The following SGCZ variants were observed in gnomAD, a reference collection of about 807,000 sequenced individuals.
SGCZ encodes the protein sarcoglycan zeta.
In SGCZ, 40 loss-of-function variants were observed where a neutral mutation model predicts 41.3. That is an observed-to-expected ratio of 0.97 (90% CI 0.75 to 1.26). The LOEUF (loss-of-function observed/expected upper bound fraction) is 1.26. Among genes scored for constraint, SGCZ ranks in the 50% most tolerant of loss-of-function variants. The pLI is 0.00. For synonymous variants in SGCZ, 206 were observed against 137.5 expected, an observed-to-expected ratio of 1.50 and a Z score of -3.49; for missense variants, 552 against 369.8, an observed-to-expected ratio of 1.49 and a Z score of -4.04.
At chr8:15,033,339 T>C (rs939282758) in intron 1 of SGCZ, among the ~76,000 whole-genome samples, 8 of 151,748 alleles carry the variant, frequency 5.3e-5, no homozygotes, top group African/African-American at 1.9e-4. Context: ...AAAGCACCCA[T>C]GGCTCCAGGA....
chr8:14,944,591 A>G (rs1800380642), intron 1 of SGCZ, among the ~76,000 whole-genome samples: 1 of 152,224 alleles, frequency 6.6e-6, no homozygotes, highest in African/African-American at 2.4e-5. Context: ...GTAAAACAAT[A>G]GACCAATAGA....
chr8:14,709,769 G>A (rs980207393), intron 1 of SGCZ, among the ~76,000 whole-genome samples: 4 of 152,090 alleles, frequency 2.6e-5, no homozygotes, highest in Non-Finnish European at 5.9e-5. Flanking sequence ...TACATTGCAA[G>A]AGGAGTATAT....
chr8:14,465,942 AG>A (rs1801036793), intron 2 of SGCZ, among the ~76,000 whole-genome samples: 1 of 150,792 alleles, frequency 6.6e-6, no homozygotes, highest in East Asian at 1.9e-4. Context: ...TAGACTAATA[AG>A]TTTTTAATGT....
intron 7 of SGCZ, 100 bp from the exon 8 acceptor site, chr8:14,090,737 AC>A (rs1563119911): frequency 2.0e-6 from 2 of 1,024,776 alleles, no homozygotes; most frequent in East Asian, 5.2e-5. Context: ...AGTCGACACA[AC>A]AAACAATTCC....
chr8:14,824,046 G>C (rs1022443213), intron 1 of SGCZ, among the ~76,000 whole-genome samples: 1 of 152,034 alleles, frequency 6.6e-6, no homozygotes, highest in Non-Finnish European at 1.5e-5. Flanking sequence ...AAAGGTAGAG[G>C]ATATCATAGA....
chr8:14,194,118 AG>A (rs1371993493), intron 4 of SGCZ, among the ~76,000 whole-genome samples: 1 of 151,914 alleles, frequency 6.6e-6, no homozygotes, highest in Non-Finnish European at 1.5e-5. Context: ...ATAATACGTA[AG>A]AGATTTATCC....
chr8:14,741,195 G>A (rs904853391), intron 1 of SGCZ, among the ~76,000 whole-genome samples: 23 of 151,986 alleles, frequency 1.5e-4, no homozygotes, highest in African/African-American at 5.3e-4. Flanking sequence ...CCTGGGAGAG[G>A]TGAGGGGATC....
intron 2 of SGCZ, among the ~76,000 whole-genome samples, chr8:14,388,658 C>T (rs535497322): frequency 6.6e-6 from 1 of 151,954 alleles, no homozygotes; most frequent in South Asian, 2.1e-4. Flanking sequence ...GAATAAACTC[C>T]AATTTTAGCT....
chr8:15,088,065 A>G (rs1806014009), intron 1 of SGCZ, among the ~76,000 whole-genome samples: 1 of 152,090 alleles, frequency 6.6e-6, no homozygotes, highest in Admixed American at 6.5e-5. Context: ...CAAATCACCA[A>G]TCATACTGAA....
In SGCZ at chr8:14,320,690, C is replaced by G. The variant is rs147635096; in HGVS notation, c.336+3413G>C. 1.9e-3 allele frequency among the ~76,000 whole-genome samples: 288 copies of G among 152,116 alleles called. 1 individual carries two copies. The highest frequency in any genetic ancestry group is 6.8e-3 in the African/African-American group (284 of 41,538). On this transcript the variant is annotated intron_variant, in intron 3 of 7. Transcript: ENST00000382080. Reference sequence around the variant, plus strand: ...ACACGGGCATCCTGAGAACTCAAGACTGATGTGCTTAACTGTGGAGTTACT... The same window carrying G: ...ACACGGGCATCCTGAGAACTCAAGAGTGATGTGCTTAACTGTGGAGTTACT...
intron 1 of SGCZ, among the ~76,000 whole-genome samples, chr8:15,069,008 A>T (rs1370624909): frequency 6.6e-6 from 1 of 152,208 alleles, no homozygotes; most frequent in Non-Finnish European, 1.5e-5. Flanking sequence ...TCGCCAAAAA[A>T]TACTCCCTAC....
intron 1 of SGCZ, among the ~76,000 whole-genome samples, chr8:14,876,202 C>T (rs377023700): frequency 1.1e-4 from 17 of 151,912 alleles, no homozygotes; most frequent in African/African-American, 4.1e-4. Context: ...ACTTTCAGGC[C>T]CCTAGCAAAT....
At chr8:14,474,322 T>G (rs2116986592) in intron 2 of SGCZ, among the ~76,000 whole-genome samples, 1 of 152,330 alleles carries the variant, frequency 6.6e-6, no homozygotes, top group Non-Finnish European at 1.5e-5. Context: ...TTAAAAATCT[T>G]AAAAATCCAT....
intron 4 of SGCZ, among the ~76,000 whole-genome samples, chr8:14,177,330 T>TGAAC (rs1326738959): frequency 6.6e-6 from 1 of 152,202 alleles, no homozygotes; most frequent in African/African-American, 2.4e-5. Flanking sequence ...TGCAAAAGAC[T>TGAAC]GAACGCATGA....
intron 1 of SGCZ, among the ~76,000 whole-genome samples, chr8:14,941,413 C>T (rs973552528): frequency 2.0e-5 from 3 of 152,130 alleles, no homozygotes; most frequent in Admixed American, 6.6e-5. Context: ...CGAAATATTA[C>T]GTGGCTATTT....
chr8:15,217,092 G>A (rs960066161), intron 1 of SGCZ, among the ~76,000 whole-genome samples: 3 of 151,886 alleles, frequency 2.0e-5, no homozygotes, highest in Non-Finnish European at 4.4e-5. Flanking sequence ...TAAGCATTCC[G>A]ACAGCTAATA....
In SGCZ at chr8:15,135,011, A is replaced by C. The variant is rs148594131; in HGVS notation, c.39+102574T>G. On this transcript the variant is annotated intron_variant, in intron 1 of 7. Transcript: ENST00000382080. ...CCAATTTGCTAGACTTTTGCTCTTC[A>C]GTTGCTACATTTGAGTGATTTGAGT... is the stretch of plus-strand genomic sequence containing the variant. Among the ~76,000 whole-genome samples the C allele has an allele frequency of 3.8e-4, 58 of 152,286 alleles. No homozygotes were observed. The East Asian group carries it at 0.01, about 26-fold the overall frequency.
In SGCZ at chr8:14,304,443, A is replaced by C. The variant is rs1801287756; in HGVS notation, c.336+19660T>G. On this transcript the variant is annotated intron_variant, in intron 3 of 7. Transcript: ENST00000382080. ...ACTTTGTCTCTACAAAAAGTACAAA[A>C]ATTAGCCAGGCATGGTGGCACATGC... Among the ~76,000 whole-genome samples the C allele has an allele frequency of 2.0e-5, 3 of 151,942 alleles. No homozygotes were observed. In the East Asian group the frequency reaches 5.9e-4, roughly 30 times the overall value.
intron 1 of SGCZ, among the ~76,000 whole-genome samples, chr8:14,685,180 T>G (rs1899366): frequency 0.35 from 53,516 of 152,060 alleles, 11,863 homozygotes; most frequent in African/African-American, 0.64. Flanking sequence ...CAAGTTATGT[T>G]CTGCTTGTAT....
Sources: allele counts gnomAD v4.1 joint callset (sites outside exome capture counted in the v4.1 genomes callset), GRCh38; gene constraint gnomAD v4.1.1; transcripts MANE v1.5; gene names NCBI Gene and HGNC (gene_info 2026-07-23, HGNC 2026-07-21).